FNDC3B: variants seen among roughly 807,000 people sequenced by gnomAD.
FNDC3B encodes fibronectin type III domain containing 3B, also known as fibronectin type III domain-containing protein 3B.
Under a neutral mutation model 151.5 loss-of-function variants are expected in FNDC3B, and 12 were observed. That is an observed-to-expected ratio of 0.08 (90% CI 0.05 to 0.13). The LOEUF (loss-of-function observed/expected upper bound fraction) is 0.13, where lower values mean the gene tolerates loss of function less well. Ranked by LOEUF, FNDC3B falls within the 10% of genes least tolerant of loss-of-function variation. The probability of loss-of-function intolerance (pLI) is 1.00; values close to 1 mark genes in which losing one functional copy is unlikely to be tolerated. For synonymous variants in FNDC3B, 528 were observed against 549.0 expected (o/e 0.96, Z 0.54); for missense variants, 1,214 against 1,505.3 (o/e 0.81, Z 3.20).
At chr3:172,358,770 C>A (rs1170880353) in intron 22 of FNDC3B, among the ~76,000 whole-genome samples, 1 of 152,210 alleles carries the variant, frequency 6.6e-6, no homozygotes, top group Admixed American at 6.5e-5. Flanking sequence ...GTGCTTCTTA[C>A]ATCCCTTATC....
intron 4 of FNDC3B, among the ~76,000 whole-genome samples, chr3:172,241,782 C>G (rs1284755900): frequency 6.6e-6 from 1 of 152,182 alleles, no homozygotes; most frequent in Non-Finnish European, 1.5e-5. Context: ...CCTCCCAAAT[C>G]TCATGTCCTC....
Position 172,112,503 on chromosome 3 carries a change from C to G in FNDC3B, c.24C>G (p.Thr8=), listed in dbSNP as rs539042799. 7 of 1,613,890 alleles carry G rather than the reference C, an allele frequency of 4.3e-6. No individual in the cohort carries two copies. The highest frequency in any genetic ancestry group is 1.1e-5 in the South Asian group (1 of 91,078). MYVTMMM[T]DQIPLELPPL... ...GAATGTACGTCACAATGATGATGAC[C>G]GACCAAATCCCTCTGGAACTGCCAC... Residue 8 remains threonine (T), a synonymous_variant, in exon 2 of 26, where the codon ACC becomes ACG. Transcript: ENST00000415807.
intron 2 of FNDC3B, among the ~76,000 whole-genome samples, chr3:172,120,577 T>G (rs1359460986): frequency 2.0e-4 from 29 of 143,610 alleles, no homozygotes; most frequent in African/African-American, 4.1e-4. Flanking sequence ...TGGGGGGGGG[T>G]GTGTGTGTTG....
chr3:172,118,256 T>G (rs1720361548), intron 2 of FNDC3B, among the ~76,000 whole-genome samples: 1 of 152,238 alleles, frequency 6.6e-6, no homozygotes. Flanking sequence ...CCAGTGACCT[T>G]TTCTGTTCTG....
At chr3:172,148,451 A>G (rs577453032) in intron 3 of FNDC3B, 1 of 152,168 alleles carries the variant, frequency 6.6e-6, no homozygotes, top group African/African-American at 2.4e-5. Context: ...ATTTTAAAGC[A>G]TGAAACTGGT....
At chr3:172,185,778 T>G (rs769944301) in intron 3 of FNDC3B, among the ~76,000 whole-genome samples, 1 of 152,220 alleles carries the variant, frequency 6.6e-6, no homozygotes, top group Non-Finnish European at 1.5e-5. Flanking sequence ...AAAAATAATT[T>G]GACGTATTTG....
intron 6 of FNDC3B, among the ~76,000 whole-genome samples, chr3:172,253,247 A>G (rs1256696705): frequency 6.6e-6 from 1 of 152,246 alleles, no homozygotes; most frequent in African/African-American, 2.4e-5. Context: ...AAAGATGATA[A>G]GGGAAGGAAA....
intron 3 of FNDC3B, among the ~76,000 whole-genome samples, chr3:172,214,848 C>G (rs1158292747): frequency 1.3e-5 from 2 of 152,220 alleles, no homozygotes; most frequent in African/African-American, 4.8e-5. Flanking sequence ...ATGGCAGGCA[C>G]TCTTGCAGGG....
intron 3 of FNDC3B, among the ~76,000 whole-genome samples, chr3:172,189,564 C>G (rs530667084): frequency 3.3e-4 from 50 of 151,812 alleles, no homozygotes; most frequent in African/African-American, 1.2e-3. Context: ...TATTTTAAAT[C>G]ACACTTTGGG....
At chr3:172,205,937 A>C (rs534288755) in intron 3 of FNDC3B, among the ~76,000 whole-genome samples, 1 of 152,164 alleles carries the variant, frequency 6.6e-6, no homozygotes. Flanking sequence ...CTTGATTTTA[A>C]ACTTAAAGTC....
rs1722142403 is a variant in FNDC3B, at chr3:172,150,045, C to T, written c.187+16499C>T. 3.9e-5 allele frequency among the ~76,000 whole-genome samples: 6 copies of T among 151,972 alleles called. No individual in the cohort carries two copies. The South Asian group carries it at 1.2e-3, about 32-fold the overall frequency. ...TATTGGCCAGGCTGGTCTCGAACTC[C>T]TGACCTTGTGATCCACCCACCTTGG... is the stretch of plus-strand genomic sequence containing the variant. On this transcript the variant is annotated intron_variant, in intron 3 of 25. Transcript: ENST00000415807.
At chr3:172,154,024 G>T (rs999825838) in intron 3 of FNDC3B, among the ~76,000 whole-genome samples, 5 of 152,152 alleles carry the variant, frequency 3.3e-5, no homozygotes, top group African/African-American at 1.2e-4. Flanking sequence ...TTTCCCTTCA[G>T]TGCTGTCAGC....
intron 2 of FNDC3B, among the ~76,000 whole-genome samples, chr3:172,130,647 C>A (rs2108569339): frequency 6.6e-6 from 1 of 152,338 alleles, no homozygotes; most frequent in African/African-American, 2.4e-5. Flanking sequence ...ATATGATAAG[C>A]AGATAATGTG....
chr3:172,320,367 G>A (rs1035834965), intron 11 of FNDC3B, among the ~76,000 whole-genome samples: 12 of 152,034 alleles, frequency 7.9e-5, no homozygotes, highest in Non-Finnish European at 5.9e-5. Flanking sequence ...GTGACAGGGT[G>A]AGACTCTGAC....
intron 12 of FNDC3B, 128 bp downstream of exon 12, chr3:172,329,204 G>A: frequency 6.2e-6 from 7 of 1,130,666 alleles, no homozygotes; most frequent in Non-Finnish European, 8.9e-6. Flanking sequence ...TTTTCCAAGA[G>A]GGAATCCTAA....
At chr3:172,267,159 C>CT (rs34584367) in intron 6 of FNDC3B, among the ~76,000 whole-genome samples, 199 of 144,740 alleles carry the variant, frequency 1.4e-3, no homozygotes, top group Middle Eastern at 3.6e-3. Context: ...TACACACACA[C>CT]TTTTTTTTTT....
chr3:172,228,087 C>T (rs1387785365), intron 4 of FNDC3B, among the ~76,000 whole-genome samples: 1 of 152,024 alleles, frequency 6.6e-6, no homozygotes, highest in African/African-American at 2.4e-5. Flanking sequence ...TTATTTCTTA[C>T]TGAGTTACTT....
chr3:172,084,470 T>TACACACACACACACACACACACAC (rs774135456), intron 1 of FNDC3B, among the ~76,000 whole-genome samples: 1 of 46,568 alleles, frequency 2.1e-5, no homozygotes, highest in Non-Finnish European at 4.7e-5. Flanking sequence ...TATGTATATG[T>TACACACACACACACACACACACAC]ATACACACAC....
chr3:172,129,130 G>A (rs564709461), intron 2 of FNDC3B, among the ~76,000 whole-genome samples: 35 of 152,170 alleles, frequency 2.3e-4, no homozygotes, highest in African/African-American at 7.7e-4. Context: ...CACCATGTCC[G>A]GCTAATTTTT....
Sources: allele counts gnomAD v4.1 joint callset (sites outside exome capture counted in the v4.1 genomes callset), GRCh38; gene constraint gnomAD v4.1.1; transcripts MANE v1.5; gene names NCBI Gene and HGNC (gene_info 2026-07-23, HGNC 2026-07-21).